The following CDKAL1 variants were observed in gnomAD, a reference collection of about 807,000 sequenced individuals.
CDKAL1 encodes the protein CDKAL1 threonylcarbamoyladenosine tRNA methylthiotransferase, also known as threonylcarbamoyladenosine tRNA methylthiotransferase.
CDKAL1 carries 32 observed loss-of-function variants against 68.2 expected under a neutral mutation model. That is an observed-to-expected ratio of 0.47 (90% CI 0.35 to 0.63). The LOEUF (loss-of-function observed/expected upper bound fraction) is 0.63, where lower values mean the gene tolerates loss of function less well. Ranked by LOEUF, CDKAL1 falls within the 30% of genes least tolerant of loss-of-function variation. The pLI is 0.00. For synonymous variants in CDKAL1, 234 were observed against 244.3 expected (o/e 0.96, Z 0.39); for missense variants, 606 against 696.7 (o/e 0.87, Z 1.47).
In CDKAL1 at chr6:20,898,127, C is replaced by A. The variant is rs80212131; in HGVS notation, c.742+51949C>A. On this transcript the variant is annotated intron_variant, in intron 9 of 15. Coordinates refer to ENST00000274695, the MANE Select transcript of CDKAL1 (RefSeq NM_017774.3). ...GTGTATAATTAGTTTGTGACAGCTGCCTTCTGTAATGTGGGACTTCTTGGG... is the reference window on the plus strand; with the variant it reads ...GTGTATAATTAGTTTGTGACAGCTGACTTCTGTAATGTGGGACTTCTTGGG... 2.0e-3 allele frequency among the ~76,000 whole-genome samples: 298 copies of A among 152,042 alleles called. 5 individuals are homozygous for A. In the East Asian group the frequency reaches 0.055, roughly 28 times the overall value.
At chr6:21,134,384 A>T (rs1339043388) in intron 13 of CDKAL1, among the ~76,000 whole-genome samples, 1 of 152,236 alleles carries the variant, frequency 6.6e-6, no homozygotes, top group Non-Finnish European at 1.5e-5. Context: ...GCTAGAGCAT[A>T]TTTCTTGAGA....
At chr6:20,588,131 A>T in intron 4 of CDKAL1, among the ~76,000 whole-genome samples, 1 of 152,068 alleles carries the variant, frequency 6.6e-6, no homozygotes, top group African/African-American at 2.4e-5. Context: ...ACACCACAAA[A>T]ACCAACCAAA....
chr6:20,696,495 G>A (rs138583935), intron 5 of CDKAL1, among the ~76,000 whole-genome samples: 11 of 152,320 alleles, frequency 7.2e-5, no homozygotes, highest in African/African-American at 1.9e-4. Context: ...CTTTGGTTGT[G>A]TAAAACTAGA....
At chr6:20,686,735 G>T (rs1249283127) in intron 5 of CDKAL1, among the ~76,000 whole-genome samples, 2 of 152,174 alleles carry the variant, frequency 1.3e-5, no homozygotes, top group African/African-American at 4.8e-5. Context: ...TATTGAAAAG[G>T]AGTGGTGAGG....
intron 4 of CDKAL1, among the ~76,000 whole-genome samples, chr6:20,646,987 CA>C (rs1171758109): frequency 2.6e-5 from 4 of 152,132 alleles, no homozygotes; most frequent in Admixed American, 2.0e-4. Context: ...TCAGGTGATC[CA>C]CCCGCCTCGG....
At chr6:20,646,217 C>T (rs1479836358) in intron 4 of CDKAL1, among the ~76,000 whole-genome samples, 12 of 151,506 alleles carry the variant, frequency 7.9e-5, no homozygotes, top group Admixed American at 2.0e-4. Context: ...CTACTGCACC[C>T]GGCTAATTTT....
intron 4 of CDKAL1, among the ~76,000 whole-genome samples, chr6:20,549,104 T>A (rs1763716718): frequency 1.3e-5 from 2 of 152,188 alleles, no homozygotes; most frequent in African/African-American, 2.4e-5. Context: ...TAATGTTGGG[T>A]CCCACCTTAC....
chr6:21,211,079 A>T (rs187515860), intron 15 of CDKAL1, among the ~76,000 whole-genome samples: 1 of 152,344 alleles, frequency 6.6e-6, no homozygotes, highest in East Asian at 1.9e-4. Context: ...ATCTGTAGTC[A>T]TGGGGAACTG....
intron 13 of CDKAL1, among the ~76,000 whole-genome samples, chr6:21,124,206 G>T (rs558758923): frequency 6.6e-6 from 1 of 152,324 alleles, no homozygotes; most frequent in South Asian, 2.1e-4. Flanking sequence ...ATAGGTGTTT[G>T]TGTGTATTTT....
rs986021128 is a variant in CDKAL1, at chr6:20,539,497, G to T, written c.-6+4103G>T. Among the ~76,000 whole-genome samples, 3 of 152,204 alleles carry T rather than the reference G, an allele frequency of 2.0e-5. No homozygotes were observed. The highest frequency in any genetic ancestry group is 4.4e-5 in the Non-Finnish European group (3 of 68,032). The stretch of plus-strand genomic sequence containing the variant: ...GCATAGGAAGAGGGTGTGTGGTGAG[G>T]TGGGGGTGTTGGTTGGAAAGTCCTC... On this transcript the variant is annotated intron_variant, in intron 2 of 15. Transcript: ENST00000274695. This position sits in a 1 kb window ranked among gnomAD's most constrained non-coding sequence, Gnocchi z 4.3.
chr6:21,076,551 A>C (rs1171719950), intron 12 of CDKAL1, among the ~76,000 whole-genome samples: 1 of 152,216 alleles, frequency 6.6e-6, no homozygotes, highest in Non-Finnish European at 1.5e-5. Context: ...TGAATCTTTT[A>C]GCTTACTCGA....
At chr6:20,613,580 A>G (rs565469455) in intron 4 of CDKAL1, among the ~76,000 whole-genome samples, 2 of 150,230 alleles carry the variant, frequency 1.3e-5, no homozygotes, top group East Asian at 3.9e-4. Context: ...TGGCTGCGAC[A>G]AAGTTTCTTA....
At chr6:20,635,260 A>G (rs1264590976) in intron 4 of CDKAL1, among the ~76,000 whole-genome samples, 2 of 151,932 alleles carry the variant, frequency 1.3e-5, no homozygotes, top group African/African-American at 2.4e-5. Flanking sequence ...AAGGTAGGGT[A>G]TTTTTCTCCC....
chr6:20,541,611 G>A (rs1763389005), intron 2 of CDKAL1, among the ~76,000 whole-genome samples: 1 of 152,110 alleles, frequency 6.6e-6, no homozygotes, highest in African/African-American at 2.4e-5. Flanking sequence ...TGGCAAGCTT[G>A]GGTCATGTTC....
chr6:21,209,533 A>T (rs1226878104), intron 15 of CDKAL1, among the ~76,000 whole-genome samples: 4 of 152,186 alleles, frequency 2.6e-5, no homozygotes, highest in African/African-American at 7.2e-5. Context: ...TTCCTCTGGT[A>T]ATACTGCTAA....
At chr6:20,822,274 C>T (rs77517140) in intron 8 of CDKAL1, among the ~76,000 whole-genome samples, 1,745 of 152,226 alleles carry the variant, frequency 0.011, 10 homozygotes, top group Admixed American at 0.017. Flanking sequence ...AAATATTGAA[C>T]AACAGGAAAG....
chr6:20,743,005 T>C lies in CDKAL1; in HGVS notation c.468+3390T>C, dbSNP rs148208005. Among the ~76,000 whole-genome samples the C allele has an allele frequency of 2.0e-3, 302 of 152,248 alleles. 8 individuals are homozygous for C. In the South Asian group the frequency reaches 0.048, roughly 24 times the overall value. On this transcript the variant is annotated intron_variant, in intron 6 of 15. Transcript: ENST00000274695. Reference sequence around the variant, plus strand: ...GACCTACTTTTGAATAGAACTGTTGTATAGAATTGCTATAAAACTAGAAAC... The same window carrying C: ...GACCTACTTTTGAATAGAACTGTTGCATAGAATTGCTATAAAACTAGAAAC...
rs577954767 is a variant in CDKAL1 at position 20,713,803 on chromosome 6, C to T, written c.372-25716C>T. ...CTTTATTTATAGAGCTTTCTAAATA[C>T]CTTATCACAAGTTACCACAAGATAA... On this transcript the variant is annotated intron_variant, in intron 5 of 15. Coordinates refer to ENST00000274695, the MANE Select transcript of CDKAL1 (RefSeq NM_017774.3). Among the ~76,000 whole-genome samples the T allele has an allele frequency of 4.6e-5, 7 of 152,024 alleles. No homozygotes were observed. In the East Asian group the frequency reaches 1.4e-3, roughly 29 times the overall value.
chr6:20,835,899 A>G (rs1777919315), intron 8 of CDKAL1, among the ~76,000 whole-genome samples: 1 of 152,080 alleles, frequency 6.6e-6, no homozygotes, highest in African/African-American at 2.4e-5. Flanking sequence ...TGGAGCTTCT[A>G]CTACCGGCAC....
Sources: allele counts gnomAD v4.1 joint callset (sites outside exome capture counted in the v4.1 genomes callset), GRCh38; gene constraint gnomAD v4.1.1; non-coding constraint Gnocchi (gnomAD v3.1); transcripts MANE v1.5; gene names NCBI Gene and HGNC (gene_info 2026-07-23, HGNC 2026-07-21).